PARP6: variants seen among roughly 807,000 people sequenced by gnomAD.
The protein encoded by PARP6 is protein mono-ADP-ribosyltransferase PARP6.
PARP6 carries 27 observed loss-of-function variants against 92.0 expected under a neutral mutation model. The observed-to-expected ratio is 0.29, with a 90% CI of 0.22 to 0.40. The LOEUF is 0.40. Ranked by LOEUF, PARP6 falls within the 10% of genes least tolerant of loss-of-function variation. The pLI, the probability that PARP6 is intolerant of heterozygous loss-of-function variation, is 1.00. For synonymous variants in PARP6, 272 were observed against 281.2 expected, an observed-to-expected ratio of 0.97 and a Z score of 0.33; for missense variants, 501 against 784.5, an observed-to-expected ratio of 0.64 and a Z score of 4.32.
chr15:72,260,858 C>T (rs2085780463), intron 9 of PARP6, among the ~76,000 whole-genome samples, 170 bp from the exon 10 acceptor site: 1 of 152,164 alleles, frequency 6.6e-6, no homozygotes, highest in African/African-American at 2.4e-5. Context: ...AAGTAGATCA[C>T]ACATCTGAAT....
chr15:72,256,603 GAA>G lies in PARP6; in HGVS notation c.1000-15_1000-14del. ...GCAGATCCACCACCTTAGGGGAAAGGAAAAAAAACAGGGCAGAAGCTAAATGA... is the reference window on the plus strand; with the variant it reads ...GCAGATCCACCACCTTAGGGGAAAGGAAAAAACAGGGCAGAAGCTAAATGA... On this transcript the variant is annotated splice_polypyrimidine_tract_variant and intron_variant, in intron 13 of 23. Transcript: ENST00000569795. 1 of 1,513,548 alleles carries G rather than the reference GAA, an allele frequency of 6.6e-7. No homozygotes were observed. Among genetic ancestry groups the G allele is most frequent in the South Asian group, 1.3e-5 (1 of 75,958 alleles). 93.8% of individuals were successfully genotyped at this position (1,513,548 alleles called of 1,614,324 possible). A position where few individuals can be genotyped will look rare whatever the true frequency, so the allele number is the denominator to read the frequency against.
At position 72,257,442 on chromosome 15, in the gene PARP6, T is replaced by C. The variant is rs758369643; in HGVS notation, c.907-2A>G. Reference sequence around the variant, plus strand: ...TAGTTCACGAGTACAGACAGCTGGCTGAAAGGATATATTAAACAGATGGTG... The same window carrying C: ...TAGTTCACGAGTACAGACAGCTGGCCGAAAGGATATATTAAACAGATGGTG... On this transcript the variant is annotated splice_acceptor_variant, in intron 12 of 23. Coordinates refer to ENST00000569795, the MANE Select transcript of PARP6 (RefSeq NM_001323532.2). LOFTEE classifies it high-confidence loss of function. 1 of 1,612,362 alleles carries C rather than the reference T, an allele frequency of 6.2e-7. No individual in the cohort carries two copies. The highest frequency in any genetic ancestry group is 1.1e-5 in the South Asian group (1 of 91,044).
chr15:72,264,752 GA>G (rs1439517652), intron 7 of PARP6, 131 bp from the exon 8 acceptor site: 13 of 676,936 alleles, frequency 1.9e-5, no homozygotes, highest in East Asian at 8.1e-5. Context: ...AACGGTGGAA[GA>G]AAAAAAACAT....
intron 14 of PARP6, among the ~76,000 whole-genome samples, chr15:72,255,827 C>T (rs1368330314): frequency 9.0e-5 from 11 of 121,648 alleles, no homozygotes; most frequent in East Asian, 2.6e-4. Flanking sequence ...GACAGAGTCT[C>T]GCTCTGTCAA....
chr15:72,265,140 C>T lies in PARP6; in HGVS notation c.269G>A (p.Arg90Gln), dbSNP rs377347451. Residue 90 changes from arginine (R) to glutamine (Q), a missense_variant, in exon 7 of 24, where the codon CGG (arginine) becomes CAG (glutamine). Arg to Gln is a conservative substitution (Grantham distance 43, BLOSUM62 1). Coordinates refer to ENST00000569795, the MANE Select transcript of PARP6 (RefSeq NM_001323532.2). The stretch of plus-strand genomic sequence containing the variant: ...CAGCCTCAACACAATAGGTTCTGTC[C>T]GGAGGACCTTCCAGGCTGTAGAGAC... Reference protein sequence around the residue: ...EEVSTAWKVLRTEPIVLRLRF... With the variant: ...EEVSTAWKVLQTEPIVLRLRF... 19 of 1,613,292 alleles carry T rather than the reference C, an allele frequency of 1.2e-5. No homozygotes were observed. Among genetic ancestry groups the T allele is most frequent in the East Asian group, 4.5e-5 (2 of 44,882 alleles).
Position 72,260,510 on chromosome 15 carries a change from C to G in PARP6, c.724G>C (p.Gly242Arg). Reference protein sequence around the residue: ...QAGLLCPQHVGLPPPARTSPL... With the variant: ...QAGLLCPQHVRLPPPARTSPL... The stretch of plus-strand genomic sequence containing the variant: ...GAGGTCCGTGCTGGGGGAGGGAGGC[C>G]CACGTGCTGAGGGCACAGGAGACCT... The change falls in exon 10 of 24, where the codon GGC becomes CGC. Residue 242 changes from glycine to arginine, a missense_variant. Around this residue, in one of 4 missense-constraint regions of PARP6, gnomAD observed 291 missense variants for 352.0 expected, o/e 0.83. Transcript: ENST00000569795. 3 of 1,614,158 alleles carry G rather than the reference C, an allele frequency of 1.9e-6. No individual in the cohort carries two copies. Among genetic ancestry groups the G allele is most frequent in the Non-Finnish European group, 2.5e-6 (3 of 1,179,998 alleles).
At chr15:72,269,919 GAA>G (rs1478567619) in intron 2 of PARP6, among the ~76,000 whole-genome samples, 13 of 130,782 alleles carry the variant, frequency 9.9e-5, no homozygotes, top group African/African-American at 3.3e-4. Flanking sequence ...AAAAAAAAAA[GAA>G]AAAGAAAAAA....
chr15:72,242,298 G>A lies in PARP6; in HGVS notation c.1642-78C>T, dbSNP rs1290932076. The A allele has an allele frequency of 1.1e-5, 13 of 1,139,746 alleles. No homozygotes were observed. Among genetic ancestry groups the A allele is most frequent in the Non-Finnish European group, 1.7e-5 (13 of 755,154 alleles). The allele number at this position is 1,139,746 out of a possible 1,614,324, so 70.6% of individuals were successfully genotyped here. On this transcript the variant is annotated intron_variant, in intron 21 of 23. Transcript: ENST00000569795. This position sits in a 1 kb window ranked among gnomAD's most constrained non-coding sequence, Gnocchi z 4.3. Reference sequence around the variant, plus strand: ...TCCCTAGAGAGGCTGGTTAGCTGATGATTGGGAGTGGGGATCAGAGATATC... The same window carrying A: ...TCCCTAGAGAGGCTGGTTAGCTGATAATTGGGAGTGGGGATCAGAGATATC...
At chr15:72,251,047 G>T in intron 17 of PARP6, 93 bp from the exon 18 acceptor site, 1 of 1,038,160 alleles carries the variant, frequency 9.6e-7, no homozygotes, top group Non-Finnish European at 1.5e-6. Flanking sequence ...AATCAGGCTT[G>T]CATTAACCCC....
At position 72,243,070 on chromosome 15, in the gene PARP6, G is replaced by C. The variant is rs150015627; in HGVS notation, c.1562-371C>G. On this transcript the variant is annotated intron_variant, in intron 20 of 23. Transcript: ENST00000569795. The stretch of plus-strand genomic sequence containing the variant: ...GTAATAGGATACAGAAGGCCTGAAG[G>C]AAAGATAAGGTAGTGTGTGTTAGTT... The C allele has an allele frequency of 4.2e-3, 889 of 213,348 alleles. 23 individuals carry two copies. The highest frequency in any genetic ancestry group is 0.041 in the Admixed American group (780 of 19,140). 13.2% of individuals were successfully genotyped at this position (213,348 alleles called of 1,614,324 possible). A position where few individuals can be genotyped will look rare whatever the true frequency, so the allele number is the denominator to read the frequency against.
intron 8 of PARP6, among the ~76,000 whole-genome samples, chr15:72,261,939 G>A (rs1421231192): frequency 6.6e-6 from 1 of 152,140 alleles, no homozygotes; most frequent in Non-Finnish European, 1.5e-5. Context: ...AAAATTCAGA[G>A]ATGCGTTGCC....
intron 20 of PARP6, chr15:72,249,015 C>T (rs748851615): frequency 2.2e-5 from 8 of 359,552 alleles, no homozygotes; most frequent in Non-Finnish European, 4.1e-5. Context: ...AGGGCCAAGC[C>T]CCTGCTATGA....
rs1024569092 is a variant in PARP6, at chr15:72,242,607, A to G, written c.1641+13T>C. On this transcript the variant is annotated intron_variant, in intron 21 of 23. Transcript: ENST00000569795. This position sits in a 1 kb window ranked among gnomAD's most constrained non-coding sequence, Gnocchi z 4.3. Reference sequence around the variant, plus strand: ...CAGGGAAAGGTCCTGCCTCATTAGAATAGTTCCAATACCTGGGGGATGGTA... The same window carrying G: ...CAGGGAAAGGTCCTGCCTCATTAGAGTAGTTCCAATACCTGGGGGATGGTA... 40 of 1,563,530 alleles carry G rather than the reference A, an allele frequency of 2.6e-5. No individual in the cohort carries two copies. The highest frequency in any genetic ancestry group is 2.7e-5 in the Non-Finnish European group (31 of 1,133,966).
At position 72,261,707 on chromosome 15, in the gene PARP6, C is replaced by A; in HGVS notation, c.396G>T (p.Lys132Asn). 1 of 1,613,710 alleles carries A rather than the reference C, an allele frequency of 6.2e-7. No individual in the cohort carries two copies. The change falls in exon 9 of 24, where the codon AAG becomes AAT. Residue 132 changes from lysine to asparagine, a missense_variant and splice_region_variant. Physicochemically the swap from Lys to Asn is moderately conservative, Grantham distance 94. This residue lies in a region of PARP6 where 291 missense variants were observed against 352.0 expected (regional missense o/e 0.83). Transcript: ENST00000569795. ...GTTGGGATGTAAACATACCCAGGATCCTGAGGGATCAAAAAGAATGAGCTT... is the reference window on the plus strand; with the variant it reads ...GTTGGGATGTAAACATACCCAGGATACTGAGGGATCAAAAAGAATGAGCTT... ...EGFGLGLQLK[K>N]ILGMFTSQQW...
intron 12 of PARP6, among the ~76,000 whole-genome samples, chr15:72,257,798 A>G (rs1174924958): frequency 4.6e-5 from 7 of 152,160 alleles, no homozygotes; most frequent in African/African-American, 1.7e-4. Flanking sequence ...ATCTTGGTCA[A>G]TATCTGATCC....
Position 72,257,428 on chromosome 15 carries a change from T to TACAG in PARP6, c.915_918dup (p.Thr307LeufsTer4). On this transcript the variant is annotated frameshift_variant, in exon 13 of 24. Coordinates refer to ENST00000569795, the MANE Select transcript of PARP6 (RefSeq NM_001323532.2). LOFTEE classifies it high-confidence loss of function. ...AAGGAGAAAACGCATAGTTCACGAGTACAGACAGCTGGCTGAAAGGATATA... is the reference window on the plus strand; with the variant it reads ...AAGGAGAAAACGCATAGTTCACGAGTACAGACAGACAGCTGGCTGAAAGGATATA... The TACAG allele has an allele frequency of 6.2e-7, 1 of 1,613,642 alleles. No individual in the cohort carries two copies. Among genetic ancestry groups the TACAG allele is most frequent in the African/African-American group, 1.3e-5 (1 of 74,916 alleles).
chr15:72,257,187 C>G (rs960731228), intron 13 of PARP6, among the ~76,000 whole-genome samples, 161 bp downstream of exon 13: 4 of 152,176 alleles, frequency 2.6e-5, no homozygotes, highest in Admixed American at 6.5e-5. Context: ...ACTGGAGCCC[C>G]TACAGATGGG....
At chr15:72,267,323 G>C (rs2086731612) in intron 3 of PARP6, 152 bp downstream of exon 3, 1 of 786,608 alleles carries the variant, frequency 1.3e-6, no homozygotes, top group Non-Finnish European at 2.2e-6. Flanking sequence ...AAGTAATACT[G>C]TTTCTGTGCC....
intron 14 of PARP6, among the ~76,000 whole-genome samples, chr15:72,255,267 T>C (rs1209089116): frequency 6.6e-6 from 1 of 152,196 alleles, no homozygotes; most frequent in Non-Finnish European, 1.5e-5. Flanking sequence ...GGTTTTGTTT[T>C]TTTGAGGCAG....
Sources: gnomAD v4.1 joint callset for allele counts (sites outside exome capture counted in the v4.1 genomes callset) on GRCh38, gnomAD v4.1.1 for gene constraint, gnomAD v4.1.1 regional missense constraint, Gnocchi (gnomAD v3.1) non-coding constraint, MANE v1.5 for transcripts, NCBI Gene and HGNC (gene_info 2026-07-23, HGNC 2026-07-21) for gene names.